EYS: variants seen among roughly 807,000 people sequenced by gnomAD.
EYS encodes the protein EGF-like photoreceptor maintenance factor.
A neutral mutation model predicts 282.1 loss-of-function variants in EYS; 250 were observed. The ratio of observed to expected loss-of-function variants is 0.89; its 90% CI spans 0.80 to 0.98. EYS has a LOEUF of 0.98. EYS is among the 50% of genes least tolerant of loss of function. The pLI, the probability that EYS is intolerant of heterozygous loss-of-function variation, is 0.00. For synonymous variants in EYS, 1,355 were observed against 1,282.9 expected (o/e 1.06, Z -1.20); for missense variants, 4,016 against 3,709.0 (o/e 1.08, Z -2.15).
At chr6:64,451,046 C>CA (rs1392032755) in intron 26 of EYS, among the ~76,000 whole-genome samples, 2 of 151,964 alleles carry the variant, frequency 1.3e-5, no homozygotes, top group African/African-American at 4.8e-5. Context: ...AAAAACCCTT[C>CA]AAAAAAGCAG....
chr6:64,189,430 T>C (rs564023800), intron 31 of EYS, among the ~76,000 whole-genome samples: 2 of 152,334 alleles, frequency 1.3e-5, no homozygotes, highest in South Asian at 2.1e-4. Context: ...TTAAGTAACA[T>C]TGGAAAACAG....
Position 63,945,381 on chromosome 6 carries a change from C to T in EYS, c.7055+39002G>A, listed in dbSNP as rs114050144. Among the ~76,000 whole-genome samples the T allele has an allele frequency of 8.7e-4, 133 of 152,232 alleles. 1 individual carries two copies. The highest frequency in any genetic ancestry group is 3.1e-3 in the African/African-American group (129 of 41,550). On this transcript the variant is annotated intron_variant, in intron 35 of 42. Coordinates refer to ENST00000503581, the MANE Select transcript of EYS (RefSeq NM_001142800.2). ...TCCAATTACCTCCCGCCGGTCCCCT[C>T]CCACAACACGTGGAGATTATGGGAA...
chr6:65,511,948 G>A (rs1300652125), intron 2 of EYS, among the ~76,000 whole-genome samples: 1 of 133,548 alleles, frequency 7.5e-6, no homozygotes, highest in African/African-American at 3.0e-5. Context: ...TTATGCCACT[G>A]CACTCCAGCC....
At chr6:64,962,029 G>A (rs977935640) in intron 14 of EYS, among the ~76,000 whole-genome samples, 8 of 151,890 alleles carry the variant, frequency 5.3e-5, no homozygotes, top group South Asian at 4.1e-4. Flanking sequence ...ACTTCCTCAC[G>A]TTTCCCCTAA....
At chr6:64,967,125 G>A (rs770568370) in intron 14 of EYS, among the ~76,000 whole-genome samples, 1 of 151,728 alleles carries the variant, frequency 6.6e-6, no homozygotes, top group African/African-American at 2.4e-5. Context: ...TTCAATTATG[G>A]CATCCATTTT....
intron 35 of EYS, among the ~76,000 whole-genome samples, chr6:63,937,503 C>G (rs1765106306): frequency 6.6e-6 from 1 of 150,498 alleles, no homozygotes. Flanking sequence ...GCCTCAGCCT[C>G]CCGAGTAGCT....
intron 8 of EYS, among the ~76,000 whole-genome samples, chr6:65,357,827 C>T (rs920065657): frequency 4.0e-5 from 6 of 151,734 alleles, no homozygotes; most frequent in African/African-American, 9.7e-5. Context: ...AGTGAAATGG[C>T]GACTAATGTA....
At chr6:63,902,182 C>T (rs2149732060) in intron 35 of EYS, among the ~76,000 whole-genome samples, 1 of 152,196 alleles carries the variant, frequency 6.6e-6, no homozygotes, top group East Asian at 1.9e-4. Flanking sequence ...GCATGAGGCA[C>T]CGTGCCTAGC....
At chr6:63,887,378 T>C (rs1196000258) in intron 35 of EYS, among the ~76,000 whole-genome samples, 1 of 127,112 alleles carries the variant, frequency 7.9e-6, no homozygotes, top group East Asian at 2.5e-4. Flanking sequence ...GATAGCCAAA[T>C]AGGAAAAGCT....
Position 65,495,464 on chromosome 6 carries a change from T to A in EYS, c.-54A>T. ...CATAAAGAATTGCTGCAAAATGGTG[T>A]TTTAAGTATTACCGGAAATTTCCAA... is the stretch of plus-strand genomic sequence containing the variant. On this transcript the variant is annotated 5_prime_UTR_variant, in exon 4 of 43. Transcript: ENST00000503581. The A allele has an allele frequency of 6.3e-7, 1 of 1,576,682 alleles. No homozygotes were observed. Among genetic ancestry groups the A allele is most frequent in the Non-Finnish European group, 8.6e-7 (1 of 1,159,932 alleles).
At chr6:64,661,343 TA>T (rs1294433848) in intron 22 of EYS, among the ~76,000 whole-genome samples, 1 of 152,078 alleles carries the variant, frequency 6.6e-6, no homozygotes, top group Non-Finnish European at 1.5e-5. Flanking sequence ...ACTTCATATG[TA>T]AAACACCAAA....
intron 2 of EYS, among the ~76,000 whole-genome samples, chr6:65,613,600 A>G (rs1221564771): frequency 1.3e-5 from 2 of 151,894 alleles, no homozygotes; most frequent in African/African-American, 4.8e-5. Flanking sequence ...TTATTTAAAT[A>G]TGTACACAAG....
intron 8 of EYS, among the ~76,000 whole-genome samples, chr6:65,363,713 C>T (rs1047432464): frequency 6.6e-6 from 1 of 151,816 alleles, no homozygotes; most frequent in African/African-American, 2.4e-5. Flanking sequence ...ATTTAGATAA[C>T]TTCAATCTAT....
Position 64,626,198 on chromosome 6 carries a change from T to C in EYS, c.3491A>G (p.Glu1164Gly). Residue 1164 changes from glutamate to glycine, a missense_variant, in exon 23 of 43, where the codon GAA (glutamate) becomes GGA (glycine). By Grantham distance (98) the Glu-to-Gly change is moderately conservative. Coordinates refer to ENST00000503581, the MANE Select transcript of EYS (RefSeq NM_001142800.2). ...ATGTAGACATGGTGATGAAGAGCAT[T>C]CATTTATATTAATTTCACAAAATTG... ...SGQFCEININ[E>G]CSSSPCLHGA... 6.5e-7 allele frequency: 1 copy of C among 1,536,246 alleles called. No individual in the cohort carries two copies. Among genetic ancestry groups the C allele is most frequent in the Non-Finnish European group, 8.7e-7 (1 of 1,142,948 alleles).
intron 2 of EYS, among the ~76,000 whole-genome samples, chr6:65,615,871 A>T (rs561630910): frequency 3.2e-4 from 48 of 152,082 alleles, no homozygotes; most frequent in Middle Eastern, 3.4e-3. Flanking sequence ...GAGGCGGAGC[A>T]TGCAGTGAGC....
At chr6:64,539,924 T>G (rs1764645675) in intron 26 of EYS, among the ~76,000 whole-genome samples, 1 of 152,190 alleles carries the variant, frequency 6.6e-6, no homozygotes, top group African/African-American at 2.4e-5. Flanking sequence ...GGAAGCATTT[T>G]TGTCTTAAAC....
At chr6:64,107,688 C>A (rs981198499) in intron 31 of EYS, among the ~76,000 whole-genome samples, 1 of 152,046 alleles carries the variant, frequency 6.6e-6, no homozygotes, top group Non-Finnish European at 1.5e-5. Flanking sequence ...CAGTATTAAC[C>A]ATCACAGTGT....
intron 26 of EYS, among the ~76,000 whole-genome samples, chr6:64,485,069 A>G (rs1776543427): frequency 1.3e-5 from 2 of 151,676 alleles, no homozygotes; most frequent in Admixed American, 6.6e-5. Flanking sequence ...GAAAAAACAA[A>G]TATTTGGGCC....
At chr6:65,196,099 C>T (rs898712791) in intron 12 of EYS, among the ~76,000 whole-genome samples, 2 of 151,916 alleles carry the variant, frequency 1.3e-5, no homozygotes, top group African/African-American at 4.8e-5. Context: ...AACAAGTTAT[C>T]CCATTTATAT....
Sources: allele counts gnomAD v4.1 joint callset (sites outside exome capture counted in the v4.1 genomes callset), GRCh38; gene constraint gnomAD v4.1.1; transcripts MANE v1.5; gene names NCBI Gene and HGNC (gene_info 2026-07-23, HGNC 2026-07-21).